DLC1: variants seen among roughly 807,000 people sequenced by gnomAD.
DLC1 encodes the protein DLC1 Rho GTPase activating protein, also known as rho GTPase-activating protein 7.
Under a neutral mutation model 140.3 loss-of-function variants are expected in DLC1, and 54 were observed. That is an observed-to-expected ratio of 0.38 (90% CI 0.31 to 0.48). The LOEUF is 0.48. Ranked by LOEUF, DLC1 falls within the 20% of genes least tolerant of loss-of-function variation. The pLI is 0.96. For synonymous variants in DLC1, 986 were observed against 728.1 expected (o/e 1.35, Z -5.70); for missense variants, 2,536 against 1,907.0 (o/e 1.33, Z -6.14).
chr8:13,094,114 A>G (rs751496275), intron 12 of DLC1, among the ~76,000 whole-genome samples: 40 of 152,302 alleles, frequency 2.6e-4, no homozygotes, highest in South Asian at 6.2e-4. Context: ...TTCTGTAGAC[A>G]AGGTGGAGAC....
Position 13,450,236 on chromosome 8 carries a change from C to T in DLC1, c.1024-48617G>A, listed in dbSNP as rs796551218. On this transcript the variant is annotated intron_variant, in intron 2 of 17. Transcript: ENST00000276297. ...TTGGGGGGCTGAGGCAGGTGGATCA[C>T]CTGAGGTCAGGAGTTCGAGACCAGT... is the stretch of plus-strand genomic sequence containing the variant. Among the ~76,000 whole-genome samples the T allele has an allele frequency of 2.6e-5, 4 of 151,788 alleles. 1 individual carries two copies. The highest frequency in any genetic ancestry group is 9.7e-5 in the African/African-American group (4 of 41,396).
intron 2 of DLC1, among the ~76,000 whole-genome samples, chr8:13,447,386 T>G (rs117966487): frequency 0.033 from 4,979 of 152,318 alleles, 122 homozygotes; most frequent in Non-Finnish European, 0.054. Context: ...AATACCTATT[T>G]GGCATGAACC....
intron 3 of DLC1, among the ~76,000 whole-genome samples, chr8:13,400,486 G>C (rs1837245453): frequency 6.6e-6 from 1 of 151,988 alleles, no homozygotes; most frequent in African/African-American, 2.4e-5. Flanking sequence ...GTATTATTTT[G>C]CCTATTCTGA....
At chr8:13,462,344 A>T (rs993546621) in intron 2 of DLC1, among the ~76,000 whole-genome samples, 9 of 152,012 alleles carry the variant, frequency 5.9e-5, no homozygotes, top group African/African-American at 2.2e-4. Context: ...TTTCTTTTGT[A>T]ACTTGGCTGA....
At position 13,560,676 on chromosome 8, in the gene DLC1, G is replaced by T. The variant is rs6989897; in HGVS notation, c.-126+43861C>A. On this transcript the variant is annotated intron_variant, in intron 1 of 1. Transcript: ENST00000631382. ...CTAACCTCCAGTATCTGAGAATGTG[G>T]CCTTATTTGGAGATGGAGTCTTTAA... 6.6e-3 allele frequency among the ~76,000 whole-genome samples: 1,008 copies of T among 152,126 alleles called. 12 individuals are homozygous for T. The highest frequency in any genetic ancestry group is 0.023 in the African/African-American group (975 of 41,502).
intron 2 of DLC1, among the ~76,000 whole-genome samples, chr8:13,446,045 C>T (rs1322309888): frequency 3.9e-5 from 6 of 152,146 alleles, no homozygotes; most frequent in African/African-American, 9.7e-5. Flanking sequence ...TTTCTATACA[C>T]GGTTGCTACC....
chr8:13,223,420 C>T (rs1324922287), intron 5 of DLC1, among the ~76,000 whole-genome samples: 1 of 152,114 alleles, frequency 6.6e-6, no homozygotes, highest in Non-Finnish European at 1.5e-5. Context: ...TCTGTGAAGC[C>T]TTTCTTTTTG....
intron 2 of DLC1, among the ~76,000 whole-genome samples, chr8:13,408,412 A>C (rs983724266): frequency 2.6e-5 from 4 of 152,172 alleles, no homozygotes; most frequent in Middle Eastern, 3.2e-3. Context: ...TGTTGAAGAA[A>C]ATTGGTTTCT....
chr8:13,599,841 A>T (rs1200101746), intron 1 of DLC1, among the ~76,000 whole-genome samples: 1 of 151,954 alleles, frequency 6.6e-6, no homozygotes, highest in Admixed American at 6.6e-5. Context: ...AAACATAAAA[A>T]TTTTTATATG....
intron 4 of DLC1, among the ~76,000 whole-genome samples, chr8:13,316,982 C>T (rs1240001491): frequency 6.6e-6 from 1 of 152,052 alleles, no homozygotes; most frequent in Admixed American, 6.6e-5. Flanking sequence ...TCCTTTCTCT[C>T]CCCAGTCTCT....
At chr8:13,172,010 C>A (rs866095144) in intron 5 of DLC1, among the ~76,000 whole-genome samples, 2 of 152,192 alleles carry the variant, frequency 1.3e-5, no homozygotes, top group Admixed American at 1.3e-4. Context: ...ATCAGTACAT[C>A]TACACGCCAT....
chr8:13,343,610 A>G (rs1168862550), intron 4 of DLC1, among the ~76,000 whole-genome samples: 1 of 152,192 alleles, frequency 6.6e-6, no homozygotes, highest in East Asian at 1.9e-4. Flanking sequence ...TTTGTCCATA[A>G]GAAAAAGAGG....
At chr8:13,184,443 G>C (rs113459944) in intron 5 of DLC1, among the ~76,000 whole-genome samples, 2 of 152,044 alleles carry the variant, frequency 1.3e-5, no homozygotes, top group Non-Finnish European at 2.9e-5. Flanking sequence ...TTTAGTGCTA[G>C]AAATTTCCCT....
rs1837299897 is a variant in DLC1, at chr8:13,401,581, G to A, written c.1062C>T (p.Ser354=). Residue 354 remains serine (S), a synonymous_variant, in exon 3 of 18, where the codon TCC becomes TCT. Coordinates refer to ENST00000276297, the MANE Select transcript of DLC1 (RefSeq NM_182643.3). ...CCAGTTTCATAATCAGCAGCACCAT[G>A]GAGTCCAGCCGCGCCCTATCTCGAT... ...REDRDRARLD[S]MVLLIMKLDQ... 6.2e-7 allele frequency: 1 copy of A among 1,613,834 alleles called. No homozygotes were observed. Among genetic ancestry groups the A allele is most frequent in the African/African-American group, 1.3e-5 (1 of 75,030 alleles).
intron 1 of DLC1, among the ~76,000 whole-genome samples, chr8:13,564,943 A>C (rs1372128236): frequency 1.3e-5 from 2 of 152,338 alleles, no homozygotes; most frequent in South Asian, 2.1e-4. Flanking sequence ...CTTGGTCCAC[A>C]AAGCATTTTG....
chr8:13,440,540 T>A (rs1288441773), intron 2 of DLC1, among the ~76,000 whole-genome samples: 1 of 152,190 alleles, frequency 6.6e-6, no homozygotes, highest in African/African-American at 2.4e-5. Flanking sequence ...TTGCTCTTTT[T>A]TTTTTTCTGA....
intron 2 of DLC1, among the ~76,000 whole-genome samples, chr8:13,444,433 G>T (rs1342134902): frequency 1.3e-5 from 2 of 152,044 alleles, no homozygotes; most frequent in Non-Finnish European, 2.9e-5. Context: ...ATGTACTCTA[G>T]AACTTAACGT....
At chr8:13,324,468 T>C (rs1456877818) in intron 4 of DLC1, among the ~76,000 whole-genome samples, 1 of 149,528 alleles carries the variant, frequency 6.7e-6, no homozygotes, top group East Asian at 2.0e-4. Context: ...CTCGGGAGGC[T>C]GAGGCAGGAG....
intron 4 of DLC1, among the ~76,000 whole-genome samples, chr8:13,354,792 A>AC (rs1834843897): frequency 1.3e-5 from 2 of 151,500 alleles, no homozygotes; most frequent in South Asian, 2.1e-4. Flanking sequence ...AAAAAATAAA[A>AC]AAAAAAATTA....
Sources: allele counts gnomAD v4.1 joint callset (sites outside exome capture counted in the v4.1 genomes callset), GRCh38; gene constraint gnomAD v4.1.1; transcripts MANE v1.5; gene names NCBI Gene and HGNC (gene_info 2026-07-23, HGNC 2026-07-21).